The following DNM1L variants were observed in gnomAD, a reference collection of about 807,000 sequenced individuals.
DNM1L encodes dynamin 1L.
Under a neutral mutation model 92.8 loss-of-function variants are expected in DNM1L, and 33 were observed. That is an observed-to-expected ratio of 0.36 (90% confidence interval 0.27 to 0.48). The LOEUF (loss-of-function observed/expected upper bound fraction) is 0.48. DNM1L is among the 20% of genes least tolerant of loss of function. The pLI is 0.99. For missense variants in DNM1L, 485 were observed against 888.8 expected, an observed-to-expected ratio of 0.55 and a Z score of 5.78; for synonymous variants, 284 against 305.0, an observed-to-expected ratio of 0.93 and a Z score of 0.72.
In DNM1L at chr12:32,743,430, A is replaced by ACTCATGTAATACT; in HGVS notation, c.*20_*21insCTCATGTAATACT. 1.2e-6 allele frequency: 2 copies of ACTCATGTAATACT among 1,612,956 alleles called. No homozygotes were observed. Among genetic ancestry groups the ACTCATGTAATACT allele is most frequent in the Non-Finnish European group, 1.7e-6 (2 of 1,179,128 alleles). On this transcript the variant is annotated 3_prime_UTR_variant, in exon 20 of 20. Transcript: ENST00000549701. ...TGGTGAAGAGAACTATGTAATACTG[A>ACTCATGTAATACT]GACTTTGTTGACTCAAAACTTGCTA... is the stretch of plus-strand genomic sequence containing the variant.
intron 5 of DNM1L, 120 bp downstream of exon 5, chr12:32,711,135 G>A (rs1953109233): frequency 8.1e-6 from 7 of 862,640 alleles, no homozygotes; most frequent in African/African-American, 5.0e-5. Flanking sequence ...TGATAACGTT[G>A]AGCCCTCCTT....
chr12:32,736,507 G>C (rs1954892430), intron 13 of DNM1L, among the ~76,000 whole-genome samples: 1 of 152,166 alleles, frequency 6.6e-6, no homozygotes. Context: ...GTAGGCAATT[G>C]ATCAGTGTGT....
At position 32,737,115 on chromosome 12, in the gene DNM1L, G is replaced by T. The variant is rs756456130; in HGVS notation, c.1550G>T (p.Arg517Ile). 6.2e-7 allele frequency: 1 copy of T among 1,613,656 alleles called. No homozygotes were observed. The highest frequency in any genetic ancestry group is 8.5e-7 in the Non-Finnish European group (1 of 1,179,862). Residue 517 changes from arginine to isoleucine, a missense_variant, in exon 14 of 20, where the codon AGA becomes ATA. Transcript: ENST00000549701. ...LMNNNIEEQR[R>I]NRLARELPSA... Reference sequence around the variant, plus strand: ...GCTTGTGTTTCTTAGGAACAAAGGAGAAACAGGCTAGCCAGAGAATTACCT... The same window carrying T: ...GCTTGTGTTTCTTAGGAACAAAGGATAAACAGGCTAGCCAGAGAATTACCT...
At chr12:32,734,376 C>G (rs1267020614) in intron 13 of DNM1L, among the ~76,000 whole-genome samples, 2 of 152,184 alleles carry the variant, frequency 1.3e-5, no homozygotes, top group African/African-American at 4.8e-5. Context: ...CATTTTTCTG[C>G]TACTCCCTAA....
chr12:32,730,685 T>TA (rs1565533575), intron 9 of DNM1L, among the ~76,000 whole-genome samples: 1 of 152,200 alleles, frequency 6.6e-6, no homozygotes, highest in African/African-American at 2.4e-5. Context: ...TCAATGGAAA[T>TA]AAATATAAGG....
At chr12:32,740,600 T>TCAAA in intron 18 of DNM1L, 82 bp downstream of exon 18, 1 of 1,300,012 alleles carries the variant, frequency 7.7e-7, no homozygotes, top group South Asian at 1.3e-5. Flanking sequence ...CATGTATTTT[T>TCAAA]ACAATTTTAG....
intron 9 of DNM1L, chr12:32,726,443 C>G: frequency 7.2e-7 from 1 of 1,380,868 alleles, no homozygotes; most frequent in Non-Finnish European, 1.0e-6. Flanking sequence ...GATCATTTTC[C>G]TCATCTCCTT....
chr12:32,700,550 A>T (rs1321431519), intron 1 of DNM1L, among the ~76,000 whole-genome samples: 1 of 151,942 alleles, frequency 6.6e-6, no homozygotes, highest in East Asian at 2.0e-4. Context: ...AGTTTGAGAC[A>T]AGCCTAGGCA....
At chr12:32,704,388 A>G (rs1952835125) in intron 2 of DNM1L, among the ~76,000 whole-genome samples, 1 of 151,938 alleles carries the variant, frequency 6.6e-6, no homozygotes, top group South Asian at 2.1e-4. Flanking sequence ...CATCTCTACT[A>G]AAAATACAAA....
chr12:32,719,342 T>C (rs1212584117), intron 7 of DNM1L, among the ~76,000 whole-genome samples: 1 of 152,190 alleles, frequency 6.6e-6, no homozygotes, highest in Non-Finnish European at 1.5e-5. Context: ...AATTCTTGCC[T>C]ATCATGTTAA....
At chr12:32,689,721 G>T (rs1257863461) in intron 1 of DNM1L, among the ~76,000 whole-genome samples, 4 of 152,136 alleles carry the variant, frequency 2.6e-5, no homozygotes, top group Non-Finnish European at 5.9e-5. Flanking sequence ...TTGAATAAGG[G>T]ATCAGCTTTG....
intron 13 of DNM1L, chr12:32,736,784 T>G (rs1954913129): frequency 2.9e-6 from 1 of 344,662 alleles, no homozygotes; most frequent in Non-Finnish European, 5.5e-6. Context: ...GAGGACAGTT[T>G]ACATCACTGT....
intron 7 of DNM1L, 116 bp downstream of exon 7, chr12:32,718,879 A>G (rs190466254): frequency 3.3e-5 from 45 of 1,379,454 alleles, no homozygotes; most frequent in South Asian, 1.4e-4. Flanking sequence ...ATGCTGTACT[A>G]TATTTTTTCT....
intron 6 of DNM1L, among the ~76,000 whole-genome samples, chr12:32,715,928 A>G (rs1246851009): frequency 6.6e-6 from 1 of 152,240 alleles, no homozygotes. Context: ...CAGTGTTCAT[A>G]TAAAAAACTA....
Position 32,731,756 on chromosome 12 carries a change from C to A in DNM1L, c.1357-98C>A. 1 of 1,089,410 alleles carries A rather than the reference C, an allele frequency of 9.2e-7. No homozygotes were observed. Among genetic ancestry groups the A allele is most frequent in the Non-Finnish European group, 1.4e-6 (1 of 721,992 alleles). 67.5% of individuals were successfully genotyped at this position (1,089,410 alleles called of 1,614,324 possible). ...TGGTGGCTTCTACATGTAGTCTCAG[C>A]TACTTGGGAGGCTAAGGTGGGAGGA... is the stretch of plus-strand genomic sequence containing the variant. On this transcript the variant is annotated intron_variant, in intron 11 of 19. Transcript: ENST00000549701. This position sits in a 1 kb window ranked among gnomAD's most constrained non-coding sequence, Gnocchi z 5.1.
chr12:32,742,383 C>T (rs1251623791), intron 18 of DNM1L, among the ~76,000 whole-genome samples: 2 of 152,196 alleles, frequency 1.3e-5, no homozygotes, highest in Non-Finnish European at 2.9e-5. Flanking sequence ...GGATTACAGG[C>T]ATGAGCCACT....
intron 6 of DNM1L, 57 bp from the exon 7 acceptor site, chr12:32,718,586 A>T: frequency 6.2e-7 from 1 of 1,609,540 alleles, no homozygotes. Context: ...AAATAGTTGT[A>T]TTTAATGGAT....
chr12:32,725,977 T>C (rs1954113831), intron 9 of DNM1L, among the ~76,000 whole-genome samples: 2 of 150,924 alleles, frequency 1.3e-5, no homozygotes, highest in Non-Finnish European at 1.5e-5. Context: ...AACAAAGTAA[T>C]GAAAGGCACA....
chr12:32,737,165 A>G lies in DNM1L; in HGVS notation c.1596+4A>G. On this transcript the variant is annotated splice_donor_region_variant and intron_variant, in intron 14 of 19. Coordinates refer to ENST00000549701, the MANE Select transcript of DNM1L (RefSeq NM_012062.5). ...TTCAGCTGTATCACGAGACAAGGTA[A>G]AAAAATGTTTTTAATGCATATTCCC... The G allele has an allele frequency of 1.2e-6, 2 of 1,613,648 alleles. No individual in the cohort carries two copies. The highest frequency in any genetic ancestry group is 2.2e-5 in the South Asian group (2 of 91,054).
Sources: gnomAD v4.1 joint callset for allele counts (sites outside exome capture counted in the v4.1 genomes callset) on GRCh38, gnomAD v4.1.1 for gene constraint, Gnocchi (gnomAD v3.1) non-coding constraint, MANE v1.5 for transcripts, NCBI Gene and HGNC (gene_info 2026-07-23, HGNC 2026-07-21) for gene names.